ERBB4: variants seen among roughly 807,000 people sequenced by gnomAD.
ERBB4 encodes the protein receptor tyrosine-protein kinase erbB-4.
Under a neutral mutation model 158.0 loss-of-function variants are expected in ERBB4, and 42 were observed. The ratio of observed to expected loss-of-function variants is 0.27; its 90% CI spans 0.21 to 0.34. ERBB4 has a LOEUF of 0.34. Among genes scored for constraint, ERBB4 ranks in the 10% least tolerant of loss-of-function variants. The pLI, the probability that ERBB4 is intolerant of heterozygous loss-of-function variation, is 1.00. For missense variants in ERBB4, 1,333 were observed against 1,624.1 expected, an observed-to-expected ratio of 0.82 and a Z score of 3.08; for synonymous variants, 583 against 558.7, an observed-to-expected ratio of 1.04 and a Z score of -0.61.
intron 3 of ERBB4, among the ~76,000 whole-genome samples, chr2:211,888,343 C>G (rs183890501): frequency 6.6e-6 from 1 of 152,176 alleles, no homozygotes; most frequent in African/African-American, 2.4e-5. Flanking sequence ...TGACTTTAAA[C>G]ATTATACTTA....
chr2:211,590,350 T>C (rs1171203492), intron 19 of ERBB4, among the ~76,000 whole-genome samples: 1 of 152,192 alleles, frequency 6.6e-6, no homozygotes, highest in Admixed American at 6.5e-5. Flanking sequence ...ACTGCTAACA[T>C]TAGCCATAAG....
At chr2:212,419,542 T>C (rs533724587) in intron 1 of ERBB4, among the ~76,000 whole-genome samples, 62 of 152,032 alleles carry the variant, frequency 4.1e-4, no homozygotes, top group Non-Finnish European at 7.8e-4. Flanking sequence ...TGTATACATA[T>C]ACATATAAAT....
chr2:211,684,172 C>T (rs905678616), intron 12 of ERBB4, among the ~76,000 whole-genome samples: 2 of 152,058 alleles, frequency 1.3e-5, no homozygotes, highest in African/African-American at 4.8e-5. Flanking sequence ...AACCAAGTGG[C>T]CGGACACGGT....
At chr2:211,506,212 T>C (rs2065745563) in intron 20 of ERBB4, among the ~76,000 whole-genome samples, 1 of 151,956 alleles carries the variant, frequency 6.6e-6, no homozygotes, top group African/African-American at 2.4e-5. Flanking sequence ...ACAGTAAGAT[T>C]TAAGTATCCC....
At chr2:212,138,877 G>T (rs1215707958) in intron 1 of ERBB4, among the ~76,000 whole-genome samples, 2 of 151,972 alleles carry the variant, frequency 1.3e-5, no homozygotes, top group Non-Finnish European at 1.5e-5. Context: ...CATGTCATGG[G>T]TATTGTTTTT....
intron 16 of ERBB4, among the ~76,000 whole-genome samples, chr2:211,637,407 C>T (rs1209978058): frequency 6.6e-6 from 1 of 151,714 alleles, no homozygotes; most frequent in East Asian, 1.9e-4. Context: ...GGTCTGTTTC[C>T]ATAAGAGAAA....
chr2:211,413,396 T>A (rs984787263), intron 25 of ERBB4, among the ~76,000 whole-genome samples: 1 of 147,668 alleles, frequency 6.8e-6, no homozygotes, highest in African/African-American at 2.5e-5. Context: ...AAAGCCCTTG[T>A]CATAGGGAGG....
chr2:212,191,627 TGTTATGCATGC>T (rs1559702200), intron 1 of ERBB4, among the ~76,000 whole-genome samples: 104 of 47,016 alleles, frequency 2.2e-3, no homozygotes, highest in Non-Finnish European at 2.3e-3. Context: ...ATAACACATG[TGTTATGCATGC>T]TATATATAAC....
At chr2:212,124,670 G>T (rs1037093586) in intron 2 of ERBB4, 82 bp downstream of exon 2, 25 of 1,485,200 alleles carry the variant, frequency 1.7e-5, no homozygotes, top group Middle Eastern at 3.7e-4. Context: ...ACCCCTTCCA[G>T]GTATCAGCAC....
chr2:212,254,056 G>A (rs1025068136), intron 1 of ERBB4, among the ~76,000 whole-genome samples: 1 of 151,628 alleles, frequency 6.6e-6, no homozygotes, highest in African/African-American at 2.4e-5. Context: ...TGGTAGAGGT[G>A]GTCAGTCATT....
At chr2:211,916,211 G>A (rs182128239) in intron 3 of ERBB4, among the ~76,000 whole-genome samples, 246 of 151,736 alleles carry the variant, frequency 1.6e-3, no homozygotes, top group African/African-American at 5.6e-3. Flanking sequence ...ACAGAGTCTC[G>A]CTCTGTCACC....
intron 2 of ERBB4, among the ~76,000 whole-genome samples, chr2:211,989,019 G>C (rs575659608): frequency 1.3e-5 from 2 of 151,748 alleles, no homozygotes; most frequent in Non-Finnish European, 2.9e-5. Flanking sequence ...TTTTTCCAAG[G>C]TTCTTTTTTG....
intron 16 of ERBB4, among the ~76,000 whole-genome samples, chr2:211,645,974 C>T (rs1028227090): frequency 3.3e-5 from 5 of 151,330 alleles, no homozygotes; most frequent in South Asian, 2.1e-4. Context: ...AAGGCAAAAA[C>T]GTAGGAATAG....
rs371498569 is a variant in ERBB4, at chr2:211,565,826, G to T, written c.2302-3738C>A. Among the ~76,000 whole-genome samples the T allele has an allele frequency of 5.9e-5, 9 of 152,292 alleles. No homozygotes were observed. In the East Asian group the frequency reaches 7.7e-4, roughly 13 times the overall value. ...AGGAGTGATAGAAGACCAAACAAAA[G>T]AAGTAAGCTGGTAAAATGCTGTCAC... On this transcript the variant is annotated intron_variant, in intron 19 of 27. Coordinates refer to ENST00000342788, the MANE Select transcript of ERBB4 (RefSeq NM_005235.3).
chr2:212,134,583 T>C (rs1055668283), intron 1 of ERBB4, among the ~76,000 whole-genome samples: 1 of 151,890 alleles, frequency 6.6e-6, no homozygotes, highest in Admixed American at 6.6e-5. Flanking sequence ...AAAAAAATCC[T>C]ATTATGTATT....
chr2:211,974,737 G>A (rs2081555513), intron 2 of ERBB4, among the ~76,000 whole-genome samples: 1 of 152,028 alleles, frequency 6.6e-6, no homozygotes, highest in Admixed American at 6.5e-5. Flanking sequence ...AGTCCCACAT[G>A]GGTGACAAAG....
chr2:212,171,627 C>T (rs564030539), intron 1 of ERBB4, among the ~76,000 whole-genome samples: 37 of 152,104 alleles, frequency 2.4e-4, no homozygotes, highest in African/African-American at 8.4e-4. Context: ...GTGTCTTCCC[C>T]CATGCTGTTC....
At chr2:212,316,357 G>C (rs1450544284) in intron 1 of ERBB4, among the ~76,000 whole-genome samples, 2 of 151,416 alleles carry the variant, frequency 1.3e-5, no homozygotes, top group Non-Finnish European at 1.5e-5. Flanking sequence ...GGAATCACTT[G>C]ACAATTGAGC....
chr2:211,510,103 A>T (rs188883015), intron 20 of ERBB4, among the ~76,000 whole-genome samples: 34 of 152,282 alleles, frequency 2.2e-4, no homozygotes, highest in Admixed American at 1.5e-3. Flanking sequence ...AAAGGAAAAG[A>T]AAGCATTATA....
Sources: allele counts gnomAD v4.1 joint callset (sites outside exome capture counted in the v4.1 genomes callset), GRCh38; gene constraint gnomAD v4.1.1; transcripts MANE v1.5; gene names NCBI Gene and HGNC (gene_info 2026-07-23, HGNC 2026-07-21).